Variants in ATE1 observed in about 807,000 individuals in gnomAD.
ATE1 encodes arginyl-tRNA--protein transferase 1.
Under a neutral mutation model 70.5 loss-of-function variants are expected in ATE1, and 36 were observed. The ratio of observed to expected loss-of-function variants is 0.51; its 90% confidence interval spans 0.39 to 0.67. ATE1 has a LOEUF of 0.67. Ranked by LOEUF, ATE1 falls within the 30% of genes least tolerant of loss-of-function variation. The pLI, the probability that ATE1 is intolerant of heterozygous loss-of-function variation, is 0.00. For missense variants in ATE1, 593 were observed against 629.5 expected (o/e 0.94, Z 0.62); for synonymous variants, 232 against 219.3 (o/e 1.06, Z -0.51).
intron 5 of ATE1, among the ~76,000 whole-genome samples, chr10:121,908,930 A>G (rs531263836): frequency 6.6e-6 from 1 of 152,328 alleles, no homozygotes; most frequent in African/African-American, 2.4e-5. Flanking sequence ...GGAACAAACA[A>G]CCCAAGACAA....
At chr10:121,918,695 G>C (rs1465061384) in intron 3 of ATE1, among the ~76,000 whole-genome samples, 1 of 151,570 alleles carries the variant, frequency 6.6e-6, no homozygotes, top group African/African-American at 2.4e-5. Context: ...AAAGAGGACA[G>C]CACAGGATAC....
intron 4 of ATE1, 28 bp downstream of exon 4, chr10:121,913,760 TAA>T: frequency 6.7e-7 from 1 of 1,482,718 alleles, no homozygotes; most frequent in East Asian, 2.3e-5. Flanking sequence ...AGACAGATAG[TAA>T]ATCGTTTTTA....
At chr10:121,798,654 C>T (rs1946752440) in intron 10 of ATE1, among the ~76,000 whole-genome samples, 1 of 152,134 alleles carries the variant, frequency 6.6e-6, no homozygotes, top group Non-Finnish European at 1.5e-5. Flanking sequence ...AATCCCAGCA[C>T]TTTGGGAGGC....
chr10:121,917,385 T>G (rs1195061343), intron 3 of ATE1, among the ~76,000 whole-genome samples: 1 of 152,108 alleles, frequency 6.6e-6, no homozygotes, highest in Non-Finnish European at 1.5e-5. Flanking sequence ...ACAAAAAAGA[T>G]AATTAGTAAC....
chr10:121,775,585 C>T (rs2135914216), intron 11 of ATE1, among the ~76,000 whole-genome samples: 1 of 152,338 alleles, frequency 6.6e-6, no homozygotes, highest in Non-Finnish European at 1.5e-5. Context: ...CACCTATTTA[C>T]AAGTGATGTT....
At chr10:121,812,931 T>A (rs947152640) in intron 10 of ATE1, among the ~76,000 whole-genome samples, 5 of 152,230 alleles carry the variant, frequency 3.3e-5, no homozygotes, top group Non-Finnish European at 4.4e-5. Context: ...AGCTGAGACA[T>A]CCTCTGTTTC....
chr10:121,847,843 G>A (rs180758362), intron 8 of ATE1, among the ~76,000 whole-genome samples: 23 of 151,398 alleles, frequency 1.5e-4, no homozygotes, highest in Admixed American at 8.6e-4. Context: ...AGGACGAGGC[G>A]GGCAGATCAT....
chr10:121,899,604 G>A (rs1021157098), intron 7 of ATE1, among the ~76,000 whole-genome samples: 5 of 152,090 alleles, frequency 3.3e-5, no homozygotes, highest in African/African-American at 9.7e-5. Flanking sequence ...CTATCTTTTA[G>A]ATAAATGCAT....
chr10:121,796,030 A>G (rs1946646264), intron 10 of ATE1, among the ~76,000 whole-genome samples: 1 of 152,186 alleles, frequency 6.6e-6, no homozygotes, highest in Non-Finnish European at 1.5e-5. Context: ...ATAAGAAGAA[A>G]TGAGTTACCA....
At chr10:121,884,536 GC>G (rs1374750380) in intron 7 of ATE1, among the ~76,000 whole-genome samples, 1 of 152,048 alleles carries the variant, frequency 6.6e-6, no homozygotes, top group African/African-American at 2.4e-5. Context: ...GCTGCCGTGA[GC>G]TATGATGACG....
chr10:121,794,475 G>A (rs1946573393), intron 10 of ATE1, among the ~76,000 whole-genome samples: 1 of 151,686 alleles, frequency 6.6e-6, no homozygotes, highest in Non-Finnish European at 1.5e-5. Flanking sequence ...GCATGGTGGT[G>A]CACACCTATA....
chr10:121,924,202 G>A lies in ATE1; in HGVS notation c.170+64C>T. The A allele has an allele frequency of 4.1e-6, 6 of 1,449,748 alleles. No individual in the cohort carries two copies. In the South Asian group the frequency reaches 7.0e-5, roughly 17 times the overall value. 89.8% of individuals were successfully genotyped at this position (1,449,748 alleles called of 1,614,324 possible). A position where few individuals can be genotyped will look rare whatever the true frequency, so the allele number is the denominator to read the frequency against. ...TTTCCAACAGGAAAGCATTTCAAAG[G>A]CATGCTGTATTTTTCAAGAACCTGA... is the stretch of plus-strand genomic sequence containing the variant. On this transcript the variant is annotated intron_variant, in intron 2 of 11. Coordinates refer to ENST00000224652, the MANE Select transcript of ATE1 (RefSeq NM_001001976.3).
At chr10:121,768,428 G>T (rs1042962338) in intron 11 of ATE1, among the ~76,000 whole-genome samples, 24 of 152,046 alleles carry the variant, frequency 1.6e-4, no homozygotes, top group Admixed American at 1.3e-4. Flanking sequence ...ACACAAATTG[G>T]GTCATTCTTG....
chr10:121,837,639 T>C lies in ATE1; in HGVS notation c.1158-822A>G, dbSNP rs537639893. ...TGATGCTTGAAATTCTAAAGAAATGTATTTGTAATGCAATATTCTGTGCAT... is the reference window on the plus strand; with the variant it reads ...TGATGCTTGAAATTCTAAAGAAATGCATTTGTAATGCAATATTCTGTGCAT... On this transcript the variant is annotated intron_variant, in intron 9 of 11. Transcript: ENST00000224652. 1.1e-4 allele frequency among the ~76,000 whole-genome samples: 17 copies of C among 152,366 alleles called. No individual in the cohort carries two copies. In the South Asian group the frequency reaches 2.5e-3, roughly 22 times the overall value.
intron 8 of ATE1, among the ~76,000 whole-genome samples, chr10:121,858,818 G>T (rs1050492297): frequency 6.6e-6 from 1 of 151,640 alleles, no homozygotes; most frequent in Non-Finnish European, 1.5e-5. Context: ...TGTAAGGGCC[G>T]GGCGCGGTGG....
chr10:121,749,730 G>T (rs1944506940), intron 11 of ATE1, among the ~76,000 whole-genome samples: 1 of 152,102 alleles, frequency 6.6e-6, no homozygotes, highest in Non-Finnish European at 1.5e-5. Context: ...CCCCCATGCA[G>T]AACCCTCACT....
At chr10:121,844,559 G>C (rs1948746286) in intron 8 of ATE1, among the ~76,000 whole-genome samples, 1 of 152,092 alleles carries the variant, frequency 6.6e-6, no homozygotes, top group South Asian at 2.1e-4. Flanking sequence ...ACATAAAAAA[G>C]AGCAATCACA....
At position 121,910,943 on chromosome 10, in the gene ATE1, C is replaced by T. The variant is rs765040176; in HGVS notation, c.546G>A (p.Pro182=). The change falls in exon 5 of 12, where the codon CCG becomes CCA. Residue 182 remains proline, a synonymous_variant. Transcript: ENST00000224652. Reference sequence around the variant, plus strand: ...CTGTGTGAACTTTAACTGAATGTGACGGTTCACCAGAGCCCAACTTCTCTC... The same window carrying T: ...CTGTGTGAACTTTAACTGAATGTGATGGTTCACCAGAGCCCAACTTCTCTC... ...FVGEKLGSGE[P]SHSVKVHTVP... is the part of the protein sequence containing the mutation. The T allele has an allele frequency of 2.5e-5, 41 of 1,613,622 alleles. No individual in the cohort carries two copies. Among genetic ancestry groups the T allele is most frequent in the East Asian group, 2.2e-5 (1 of 44,880 alleles).
Position 121,872,205 on chromosome 10 carries a change from T to C in ATE1, c.943-2167A>G, listed in dbSNP as rs1429680838. Among the ~76,000 whole-genome samples the C allele has an allele frequency of 2.6e-5, 4 of 152,308 alleles. No individual in the cohort carries two copies. In the East Asian group the frequency reaches 7.7e-4, roughly 29 times the overall value. ...GCATAGAAGCTACTTTAAATAACAATGAAGACAAGAATATAAATGTTGTCT... is the reference window on the plus strand; with the variant it reads ...GCATAGAAGCTACTTTAAATAACAACGAAGACAAGAATATAAATGTTGTCT... On this transcript the variant is annotated intron_variant, in intron 7 of 11. Coordinates refer to ENST00000224652, the MANE Select transcript of ATE1 (RefSeq NM_001001976.3).
Sources: gnomAD v4.1 joint callset for allele counts (sites outside exome capture counted in the v4.1 genomes callset) on GRCh38, gnomAD v4.1.1 for gene constraint, MANE v1.5 for transcripts, NCBI Gene and HGNC (gene_info 2026-07-23, HGNC 2026-07-21) for gene names.